Variants in PFKL observed in about 807,000 individuals in gnomAD.
PFKL encodes the protein phosphofructokinase, liver type.
In PFKL, 74 loss-of-function variants were observed where a neutral mutation model predicts 92.1. The ratio of observed to expected loss-of-function variants is 0.80; its 90% CI spans 0.67 to 0.97. The LOEUF is 0.97. Ranked by LOEUF, PFKL falls within the 50% of genes least tolerant of loss-of-function variation. The pLI is 0.00. For missense variants in PFKL, 1,028 were observed against 1,116.6 expected, an observed-to-expected ratio of 0.92 and a Z score of 1.13; for synonymous variants, 494 against 456.4, an observed-to-expected ratio of 1.08 and a Z score of -1.05.
At chr21:44,324,062 T>C (rs1276914819) in intron 16 of PFKL, 144 bp downstream of exon 16, 3 of 906,518 alleles carry the variant, frequency 3.3e-6, no homozygotes, top group Non-Finnish European at 5.0e-6. Flanking sequence ...CAGGCCCGGG[T>C]GAAGGGGCTC....
Position 44,303,197 on chromosome 21 carries a change from C to T in PFKL, c.85+3007C>T, listed in dbSNP as rs1244540756. Among the ~76,000 whole-genome samples, 9 of 151,534 alleles carry T rather than the reference C, an allele frequency of 5.9e-5. No individual in the cohort carries two copies. The East Asian group carries it at 1.7e-3, about 29-fold the overall frequency. ...GCAGTGAGCCGAGATCGAGCCACGG[C>T]ACTCTAGCCTGGGCGACAGAGCGAG... is the stretch of plus-strand genomic sequence containing the variant. On this transcript the variant is annotated intron_variant, in intron 1 of 21. Coordinates refer to ENST00000349048, the MANE Select transcript of PFKL (RefSeq NM_002626.6).
At chr21:44,310,976 A>T in intron 2 of PFKL, 30 bp from the exon 3 acceptor site, 1 of 1,588,346 alleles carries the variant, frequency 6.3e-7, no homozygotes, top group Non-Finnish European at 8.6e-7. Context: ...GGGGTCCCCT[A>T]TCTCATGCCT....
At chr21:44,311,828 G>C (rs568571473) in intron 3 of PFKL, among the ~76,000 whole-genome samples, 1 of 152,330 alleles carries the variant, frequency 6.6e-6, no homozygotes, top group Non-Finnish European at 1.5e-5. Context: ...ATGCGTGTGT[G>C]TACTGTGCTT....
chr21:44,319,620 G>T, intron 11 of PFKL: 1 of 600,436 alleles, frequency 1.7e-6, no homozygotes, highest in East Asian at 2.8e-5. Context: ...GCGGTGGCAC[G>T]GGCAGGGCCC....
At chr21:44,313,246 G>A (rs887963080) in intron 5 of PFKL, 103 bp downstream of exon 5, 2 of 1,319,758 alleles carry the variant, frequency 1.5e-6, no homozygotes, top group Non-Finnish European at 2.1e-6. Context: ...GTGGACTCTG[G>A]TAGCCCCAGC....
intron 1 of PFKL, 66 bp from the exon 2 acceptor site, chr21:44,306,615 A>AG (rs2040951737): frequency 5.8e-6 from 8 of 1,377,810 alleles, no homozygotes; most frequent in Non-Finnish European, 7.0e-6. Context: ...GTCCTCTGAG[A>AG]TGGGGAGGGT....
Position 44,314,017 on chromosome 21 carries a change from G to A in PFKL, c.743G>A (p.Gly248Asp). ...GWENFMCERL[G>D]ETRSRGSRLN... Reference sequence around the variant, plus strand: ...GAGAACTTCATGTGTGAGAGGCTGGGTGAGGTGGGTGCCGTCCAGCCTGCT... The same window carrying A: ...GAGAACTTCATGTGTGAGAGGCTGGATGAGGTGGGTGCCGTCCAGCCTGCT... Residue 248 changes from glycine (G) to aspartate (D), a missense_variant, in exon 7 of 22, where the codon GGT (glycine) becomes GAT (aspartate). Transcript: ENST00000349048. The A allele has an allele frequency of 6.3e-7, 1 of 1,599,704 alleles. No individual in the cohort carries two copies. The highest frequency in any genetic ancestry group is 8.5e-7 in the Non-Finnish European group (1 of 1,173,848).
At chr21:44,312,557 C>T (rs573990511) in intron 4 of PFKL, among the ~76,000 whole-genome samples, 28 of 152,334 alleles carry the variant, frequency 1.8e-4, no homozygotes, top group African/African-American at 5.5e-4. Context: ...GCTCACCCTA[C>T]GCTGCGTAGA....
intron 1 of PFKL, among the ~76,000 whole-genome samples, chr21:44,303,501 C>T (rs2838544): frequency 0.33 from 48,564 of 146,414 alleles, 9,094 homozygotes; most frequent in African/African-American, 0.51. Flanking sequence ...CTGGCCTGGG[C>T]ACTTTTAATT....
At chr21:44,312,869 C>T (rs763966713) in intron 4 of PFKL, 109 bp from the exon 5 acceptor site, 91 of 1,227,324 alleles carry the variant, frequency 7.4e-5, no homozygotes, top group Middle Eastern at 5.9e-4. Flanking sequence ...GGGCCCCTGC[C>T]GGGCTGCACG....
At chr21:44,312,929 G>A (rs1358882766) in intron 4 of PFKL, 49 bp from the exon 5 acceptor site, 1 of 1,585,076 alleles carries the variant, frequency 6.3e-7, no homozygotes, top group Admixed American at 1.7e-5. Context: ...TGGCCCTGTG[G>A]TGGGGCCAGT....
chr21:44,325,296 T>A, intron 19 of PFKL, 32 bp downstream of exon 19: 1 of 1,387,928 alleles, frequency 7.2e-7, no homozygotes, highest in Non-Finnish European at 1.0e-6. Context: ...CTGAGAGGCC[T>A]GCCCCTCTTT....
At chr21:44,320,700 G>C (rs1282646969) in intron 12 of PFKL, 1 of 152,526 alleles carries the variant, frequency 6.6e-6, no homozygotes. Context: ...TTGCACTCCA[G>C]CCCGGGCGGC....
chr21:44,316,149 A>C, intron 7 of PFKL, 95 bp from the exon 8 acceptor site: 5 of 1,113,082 alleles, frequency 4.5e-6, no homozygotes, highest in Non-Finnish European at 5.4e-6. Context: ...TGGGTTGGGA[A>C]TGGTGGCCCC....
chr21:44,305,297 C>T lies in PFKL; in HGVS notation c.86-1384C>T, dbSNP rs765301937. On this transcript the variant is annotated intron_variant, in intron 1 of 21. Transcript: ENST00000349048. The stretch of plus-strand genomic sequence containing the variant: ...TCACACCTGCTCCCTGCTGCTGAGC[C>T]CCACGCCAAGCTGGAGAGCGGATGA... 5.9e-6 allele frequency: 8 copies of T among 1,361,862 alleles called. 1 individual carries two copies. The South Asian group carries it at 9.2e-5, about 16-fold the overall frequency. 84.4% of individuals were successfully genotyped at this position (1,361,862 alleles called of 1,614,324 possible).
rs761158800 is a variant in PFKL, at chr21:44,318,607, GC to G, written c.1062+20del. 9.3e-5 allele frequency: 135 copies of G among 1,458,888 alleles called. No individual in the cohort carries two copies. The highest frequency in any genetic ancestry group is 8.6e-4 in the South Asian group (61 of 71,322). The allele number at this position is 1,458,888 out of a possible 1,614,324, so 90.4% of individuals were successfully genotyped here. On this transcript the variant is annotated intron_variant, in intron 10 of 21. Coordinates refer to ENST00000349048, the MANE Select transcript of PFKL (RefSeq NM_002626.6). ...AGTGCGTGCAGATGGTAAGCCCTGGGCCCCCCCCATCAGAACCGCCTGGCCC... is the reference window on the plus strand; with the variant it reads ...AGTGCGTGCAGATGGTAAGCCCTGGGCCCCCCCATCAGAACCGCCTGGCCC...
intron 21 of PFKL, 77 bp from the exon 22 acceptor site, chr21:44,326,637 TG>T (rs1270250523): frequency 7.8e-6 from 6 of 767,594 alleles, no homozygotes; most frequent in African/African-American, 3.9e-5. Context: ...TCGGGGGGGG[TG>T]GGGGGGCTGG....
chr21:44,306,703 T>C lies in PFKL; in HGVS notation c.108T>C (p.Ala36=). 1 of 1,613,826 alleles carries C rather than the reference T, an allele frequency of 6.2e-7. No individual in the cohort carries two copies. Among genetic ancestry groups the C allele is most frequent in the Non-Finnish European group, 8.5e-7 (1 of 1,179,918 alleles). ...DAQGMNAAVR[A]VTRMGIYVGA... ...CAGGCATGAACGCTGCTGTCCGGGC[T>C]GTGACGCGCATGGGCATTTATGTGG... is the stretch of plus-strand genomic sequence containing the variant. Residue 36 remains alanine, a synonymous_variant, in exon 2 of 22, where the codon GCT becomes GCC. Transcript: ENST00000349048.
chr21:44,320,054 T>C (rs1156839606), intron 11 of PFKL, 30 bp from the exon 12 acceptor site: 2 of 1,605,182 alleles, frequency 1.2e-6, no homozygotes, highest in Non-Finnish European at 1.7e-6. Context: ...GCTGCAGGGC[T>C]GTGCATGGTG....
Sources: allele counts gnomAD v4.1 joint callset (sites outside exome capture counted in the v4.1 genomes callset), GRCh38; gene constraint gnomAD v4.1.1; transcripts MANE v1.5; gene names NCBI Gene and HGNC (gene_info 2026-07-23, HGNC 2026-07-21).